The following HDAC9 variants were observed in gnomAD, a reference collection of about 807,000 sequenced individuals.
HDAC9 encodes the protein MEF-2 interacting transcription repressor (MITR) protein.
Under a neutral mutation model 139.4 loss-of-function variants are expected in HDAC9, and 41 were observed. That is an observed-to-expected ratio of 0.29 (90% CI 0.23 to 0.38). The LOEUF (loss-of-function observed/expected upper bound fraction) is 0.38, where lower values mean the gene tolerates loss of function less well. Among genes scored for constraint, HDAC9 ranks in the 10% least tolerant of loss-of-function variants. The pLI is 1.00. For synonymous variants in HDAC9, 517 were observed against 476.2 expected (o/e 1.09, Z -1.12); for missense variants, 1,147 against 1,297.0 (o/e 0.88, Z 1.78).
At chr7:18,283,341 C>T (rs1373658308) in intron 2 of HDAC9, among the ~76,000 whole-genome samples, 2 of 152,160 alleles carry the variant, frequency 1.3e-5, no homozygotes, top group African/African-American at 4.8e-5. Context: ...GGGAAGTCCA[C>T]CCCCATAATC....
At chr7:18,461,694 T>C (rs973223633) in intron 1 of HDAC9, among the ~76,000 whole-genome samples, 2 of 152,206 alleles carry the variant, frequency 1.3e-5, no homozygotes, top group African/African-American at 4.8e-5. Flanking sequence ...TGCCTACCTT[T>C]ATCTCCAGGG....
chr7:18,372,440 A>T (rs1043712093), intron 1 of HDAC9, among the ~76,000 whole-genome samples: 1 of 152,210 alleles, frequency 6.6e-6, no homozygotes, highest in African/African-American at 2.4e-5. Flanking sequence ...GAGACAAGGT[A>T]GTCTGTTTTC....
intron 13 of HDAC9, among the ~76,000 whole-genome samples, chr7:18,743,556 G>A (rs1216320658): frequency 6.7e-6 from 1 of 150,126 alleles, no homozygotes; most frequent in Admixed American, 6.6e-5. Flanking sequence ...GCTGCAGATA[G>A]TTATCACACC....
intron 1 of HDAC9, among the ~76,000 whole-genome samples, chr7:18,456,630 T>C (rs1233800102): frequency 1.3e-5 from 2 of 152,158 alleles, no homozygotes; most frequent in African/African-American, 4.8e-5. Flanking sequence ...GAAAATAAGA[T>C]TATGTATAAC....
At position 18,403,121 on chromosome 7, in the gene HDAC9, C is replaced by T. The variant is rs183482346; in HGVS notation, c.-41-93141C>T. 4.2e-3 allele frequency among the ~76,000 whole-genome samples: 636 copies of T among 152,150 alleles called. 3 individuals carry two copies. Among genetic ancestry groups the T allele is most frequent in the African/African-American group, 0.015 (615 of 41,492 alleles). On this transcript the variant is annotated intron_variant, in intron 1 of 3. Transcript: ENST00000413509. ...ATTGGATATAAAATATCTTTATTTA[C>T]AGATTTGGAGCTGGGAATTATATTG...
chr7:18,668,435 G>A, intron 12 of HDAC9: 1 of 947,494 alleles, frequency 1.1e-6, no homozygotes, highest in Non-Finnish European at 1.3e-6. Flanking sequence ...CATAAAAAAG[G>A]GATAGTGCAT....
At chr7:18,372,337 A>G (rs1784655441) in intron 1 of HDAC9, among the ~76,000 whole-genome samples, 1 of 152,310 alleles carries the variant, frequency 6.6e-6, no homozygotes, top group Middle Eastern at 3.4e-3. Flanking sequence ...CAAACCTGCA[A>G]ACCAAGCCCT....
chr7:18,651,454 A>G (rs1789234442), intron 11 of HDAC9, among the ~76,000 whole-genome samples: 1 of 152,176 alleles, frequency 6.6e-6, no homozygotes, highest in South Asian at 2.1e-4. Context: ...TGGGAACAAG[A>G]AAATATAAGT....
intron 1 of HDAC9, among the ~76,000 whole-genome samples, chr7:18,385,536 C>G (rs916656571): frequency 2.6e-5 from 4 of 152,150 alleles, no homozygotes; most frequent in Admixed American, 1.3e-4. Flanking sequence ...GTGGTAGGGT[C>G]TTTCCCTTCC....
chr7:18,429,760 C>T (rs917559097), intron 1 of HDAC9, among the ~76,000 whole-genome samples: 29 of 152,090 alleles, frequency 1.9e-4, no homozygotes, highest in African/African-American at 6.0e-4. Flanking sequence ...AACGAATCAT[C>T]GAATTCCTAT....
At chr7:18,898,835 C>G (rs1297004620) in intron 22 of HDAC9, among the ~76,000 whole-genome samples, 1 of 151,860 alleles carries the variant, frequency 6.6e-6, no homozygotes, top group East Asian at 1.9e-4. Flanking sequence ...ATTGAATCAG[C>G]TAAATCCAGA....
chr7:18,995,408 C>T (rs1288479349), intron 25 of HDAC9, among the ~76,000 whole-genome samples: 1 of 152,204 alleles, frequency 6.6e-6, no homozygotes, highest in African/African-American at 2.4e-5. Context: ...TATAAATTTT[C>T]AAGCAATTAG....
chr7:18,965,815 G>A (rs1783807053), intron 24 of HDAC9, among the ~76,000 whole-genome samples: 2 of 152,188 alleles, frequency 1.3e-5, no homozygotes, highest in South Asian at 4.1e-4. Context: ...CAGGGGCACT[G>A]AAAGCTGTCC....
chr7:18,547,944 C>T (rs900975739), intron 2 of HDAC9, among the ~76,000 whole-genome samples: 4 of 145,168 alleles, frequency 2.8e-5, no homozygotes, highest in African/African-American at 1.0e-4. Context: ...TTTGCATTCA[C>T]AATTTTGTGG....
chr7:18,318,311 C>CTT (rs892248045), intron 1 of HDAC9, among the ~76,000 whole-genome samples: 3 of 152,196 alleles, frequency 2.0e-5, no homozygotes, highest in Admixed American at 6.5e-5. Context: ...GCTACATAAA[C>CTT]ATCTGCCTTT....
At chr7:18,390,424 C>T (rs575204063) in intron 1 of HDAC9, among the ~76,000 whole-genome samples, 2 of 152,166 alleles carry the variant, frequency 1.3e-5, no homozygotes, top group East Asian at 3.9e-4. Context: ...TTAGGGTTTA[C>T]TTATGTTCTT....
At chr7:18,941,096 A>T (rs1781993850) in intron 23 of HDAC9, among the ~76,000 whole-genome samples, 1 of 151,966 alleles carries the variant, frequency 6.6e-6, no homozygotes, top group Non-Finnish European at 1.5e-5. Context: ...TGGAGCATAT[A>T]GCATGTTTTG....
chr7:18,361,518 A>G (rs542212219), intron 1 of HDAC9, among the ~76,000 whole-genome samples: 2 of 152,300 alleles, frequency 1.3e-5, no homozygotes, highest in Non-Finnish European at 2.9e-5. Flanking sequence ...AATTATTTCA[A>G]TTTAAACATT....
chr7:18,421,257 A>C (rs1341825285), intron 1 of HDAC9, among the ~76,000 whole-genome samples: 3 of 152,184 alleles, frequency 2.0e-5, no homozygotes, highest in African/African-American at 7.2e-5. Context: ...TTCTTTAAGA[A>C]ACAGGTAAAT....
Sources: gnomAD v4.1 joint callset for allele counts (sites outside exome capture counted in the v4.1 genomes callset) on GRCh38, gnomAD v4.1.1 for gene constraint, MANE v1.5 for transcripts, NCBI Gene and HGNC (gene_info 2026-07-23, HGNC 2026-07-21) for gene names.